BPIFB2: variants seen among roughly 807,000 people sequenced by gnomAD.
BPIFB2 encodes BPI fold-containing family B member 2.
A neutral mutation model predicts 50.1 loss-of-function variants in BPIFB2; 39 were observed. The observed-to-expected ratio is 0.78, with a 90% CI of 0.60 to 1.02. The LOEUF (loss-of-function observed/expected upper bound fraction) is 1.02. Ranked by LOEUF, BPIFB2 falls within the 50% of genes least tolerant of loss-of-function variation. The probability of loss-of-function intolerance (pLI) is 0.00; values close to 1 mark genes in which losing one functional copy is unlikely to be tolerated. For missense variants in BPIFB2, 574 were observed against 585.8 expected, an observed-to-expected ratio of 0.98 and a Z score of 0.21; for synonymous variants, 280 against 256.3, an observed-to-expected ratio of 1.09 and a Z score of -0.88.
chr20:33,008,171 A>G (rs768978299), intron 1 of BPIFB2, among the ~76,000 whole-genome samples: 2 of 152,146 alleles, frequency 1.3e-5, no homozygotes, highest in Non-Finnish European at 2.9e-5. Flanking sequence ...GCATCAGGTG[A>G]TACAGTCCTG....
chr20:33,008,701 C>T lies in BPIFB2; in HGVS notation c.109+18C>T, dbSNP rs1990246547. On this transcript the variant is annotated intron_variant, in intron 2 of 15. Transcript: ENST00000170150. ...GAGCTACGGTAAGCGGTGTGTTACCCAGTGAGTGTCTGTGAGCCTGTACAT... is the reference window on the plus strand; with the variant it reads ...GAGCTACGGTAAGCGGTGTGTTACCTAGTGAGTGTCTGTGAGCCTGTACAT... The T allele has an allele frequency of 6.4e-7, 1 of 1,570,184 alleles. No homozygotes were observed. The highest frequency in any genetic ancestry group is 8.7e-7 in the Non-Finnish European group (1 of 1,153,876).
At chr20:33,019,259 G>A in intron 10 of BPIFB2, 144 bp downstream of exon 10, 1 of 1,029,386 alleles carries the variant, frequency 9.7e-7, no homozygotes, top group Non-Finnish European at 1.5e-6. Context: ...ATCTTGGGGA[G>A]GCTCTAACTT....
Position 33,019,540 on chromosome 20 carries a change from CG to C in BPIFB2, c.910-39del, listed in dbSNP as rs1334850820. The C allele has an allele frequency of 1.5e-5, 23 of 1,537,618 alleles. No homozygotes were observed. In the African/African-American group the frequency reaches 2.1e-4, roughly 14 times the overall value. ...GTGACTGACCAGAGAGCCCGCCAGC[CG>C]CTGCCTCAGCAGGGCCTCCTCCGCC... On this transcript the variant is annotated intron_variant, in intron 10 of 15. Transcript: ENST00000170150.
rs563793516 is a variant in BPIFB2, at chr20:33,021,907, T to C, written c.1335+108T>C. 232 of 1,107,538 alleles carry C rather than the reference T, an allele frequency of 2.1e-4. 2 individuals are homozygous for C. The South Asian group carries it at 2.6e-3, about 12-fold the overall frequency. 68.6% of individuals were successfully genotyped at this position (1,107,538 alleles called of 1,614,324 possible). ...CTCTGTGGCTGCCAAAACCATGCCA[T>C]GAATCCTTAACTGCAATGAAATGAA... On this transcript the variant is annotated intron_variant, in intron 15 of 15. Transcript: ENST00000170150.
chr20:33,022,249 C>A (rs1171456820), intron 15 of BPIFB2, among the ~76,000 whole-genome samples: 1 of 152,182 alleles, frequency 6.6e-6, no homozygotes, highest in Admixed American at 6.5e-5. Flanking sequence ...GCGACAGCTG[C>A]TTTCTTCTGT....
At chr20:33,018,047 AGTCAGCAGGCT>A (rs1978499507) in intron 7 of BPIFB2, among the ~76,000 whole-genome samples, 1 of 152,206 alleles carries the variant, frequency 6.6e-6, no homozygotes, top group African/African-American at 2.4e-5. Flanking sequence ...CTAAACTAAG[AGTCAGCAGGCT>A]GTGAGTAGCT....
In BPIFB2 at chr20:33,013,888, C is replaced by T; in HGVS notation, c.387C>T (p.Thr129=). The T allele has an allele frequency of 6.2e-7, 1 of 1,614,160 alleles. No individual in the cohort carries two copies. Among genetic ancestry groups the T allele is most frequent in the Non-Finnish European group, 8.5e-7 (1 of 1,180,000 alleles). Residue 129 remains threonine (T), a synonymous_variant, in exon 5 of 16, where the codon ACC becomes ACT. Coordinates refer to ENST00000170150, the MANE Select transcript of BPIFB2 (RefSeq NM_025227.3). ...GCGTGACCCAGAGCTCCATCAGGAC[C>T]CCTGTGGTCAGCATCTCTGCCTGCT... The part of the protein sequence containing the change: ...DTRVTQSSIR[T]PVVSISACSL...
At chr20:33,012,977 G>A (rs968558907) in intron 4 of BPIFB2, 70 bp downstream of exon 4, 16 of 1,338,428 alleles carry the variant, frequency 1.2e-5, no homozygotes, top group Middle Eastern at 2.5e-4. Flanking sequence ...GTGAGGGGAC[G>A]GGGGGTAGCA....
At chr20:33,019,197 C>A in intron 10 of BPIFB2, 82 bp downstream of exon 10, 1 of 1,536,376 alleles carries the variant, frequency 6.5e-7, no homozygotes, top group South Asian at 1.1e-5. Context: ...TCTCTGCTGG[C>A]TCTTATCTGT....
At chr20:33,015,904 C>T (rs1271564302) in intron 6 of BPIFB2, among the ~76,000 whole-genome samples, 1 of 152,132 alleles carries the variant, frequency 6.6e-6, no homozygotes. Flanking sequence ...GCTCCTGGTT[C>T]CACATCTGTA....
At chr20:33,019,781 G>T (rs751428987) in intron 11 of BPIFB2, 31 bp downstream of exon 11, 2 of 1,554,256 alleles carry the variant, frequency 1.3e-6, no homozygotes, top group South Asian at 2.5e-5. Flanking sequence ...CGGAAGGCAG[G>T]CAACTGTCAC....
chr20:33,013,626 G>A (rs1010361269), intron 4 of BPIFB2, among the ~76,000 whole-genome samples, 184 bp from the exon 5 acceptor site: 1 of 152,240 alleles, frequency 6.6e-6, no homozygotes, highest in Admixed American at 6.5e-5. Flanking sequence ...ATGACCCCAA[G>A]TGGAGTCTTG....
At chr20:33,021,841 A>G (rs1469604098) in intron 15 of BPIFB2, 42 bp downstream of exon 15, 1 of 1,579,474 alleles carries the variant, frequency 6.3e-7, no homozygotes, top group East Asian at 2.2e-5. Context: ...TCCTTCACTC[A>G]GAGGGACTGA....
intron 3 of BPIFB2, among the ~76,000 whole-genome samples, chr20:33,011,839 A>G (rs1990293182): frequency 2.6e-5 from 4 of 152,050 alleles, no homozygotes; most frequent in Admixed American, 2.6e-4. Flanking sequence ...ATTAGCTGGG[A>G]GTGGTGGCGT....
Position 33,011,015 on chromosome 20 carries a change from G to T in BPIFB2, c.110-9G>T, listed in dbSNP as rs1990278174. 2 of 1,613,050 alleles carry T rather than the reference G, an allele frequency of 1.2e-6. No individual in the cohort carries two copies. The highest frequency in any genetic ancestry group is 2.7e-5 in the African/African-American group (2 of 74,878). ...GGCACCCTGACCTCACTCTACCCTG[G>T]CCCCACAGTGTCTGAAATTGGGAAA... is the stretch of plus-strand genomic sequence containing the variant. On this transcript the variant is annotated splice_polypyrimidine_tract_variant and intron_variant, in intron 2 of 15. Transcript: ENST00000170150.
At chr20:33,008,517 C>A in intron 1 of BPIFB2, 24 bp from the exon 2 acceptor site, 2 of 1,445,996 alleles carry the variant, frequency 1.4e-6, no homozygotes, top group Non-Finnish European at 1.9e-6. Flanking sequence ...TGGCTGAGCT[C>A]CCTGATGCTC....
intron 10 of BPIFB2, 32 bp from the exon 11 acceptor site, chr20:33,019,548 C>T (rs1402545021): frequency 6.4e-7 from 1 of 1,553,738 alleles, no homozygotes; most frequent in South Asian, 1.2e-5. Context: ...GCCGCTGCCT[C>T]AGCAGGGCCT....
rs759695384 is a variant in BPIFB2 at position 33,019,759 on chromosome 20, G to C, written c.1080+9G>C. ...TCTTCTCCCTGGATGTGGTGAGTGC[G>C]GTGGGGCTGGTCGGAAGGCAGGCAA... On this transcript the variant is annotated intron_variant, in intron 11 of 15. Transcript: ENST00000170150. 1.3e-6 allele frequency: 2 copies of C among 1,579,464 alleles called. No individual in the cohort carries two copies. Among genetic ancestry groups the C allele is most frequent in the Non-Finnish European group, 1.7e-6 (2 of 1,160,084 alleles).
At chr20:33,023,113 A>C (rs1430956280) in intron 15 of BPIFB2, among the ~76,000 whole-genome samples, 8 of 152,202 alleles carry the variant, frequency 5.3e-5, no homozygotes, top group Admixed American at 1.3e-4. Flanking sequence ...AGCAGCAACC[A>C]GTGCCTTCCA....
Sources: gnomAD v4.1 joint callset for allele counts (sites outside exome capture counted in the v4.1 genomes callset) on GRCh38, gnomAD v4.1.1 for gene constraint, MANE v1.5 for transcripts, NCBI Gene and HGNC (gene_info 2026-07-23, HGNC 2026-07-21) for gene names.